Variants in NR2C2 observed in about 807,000 individuals in gnomAD.
NR2C2 encodes Nuclear hormone receptor TR4.
Under a neutral mutation model 62.9 loss-of-function variants are expected in NR2C2, and 6 were observed. The observed-to-expected ratio is 0.10, with a 90% confidence interval of 0.05 to 0.19. The LOEUF (loss-of-function observed/expected upper bound fraction) is 0.19, where lower values mean the gene tolerates loss of function less well. NR2C2 is among the 10% of genes least tolerant of loss of function. NR2C2 has a pLI of 1.00. For missense variants in NR2C2, 479 were observed against 762.7 expected (o/e 0.63, Z 4.38); for synonymous variants, 272 against 273.8 (o/e 0.99, Z 0.07).
At chr3:15,021,905 C>T (rs1266023028) in intron 5 of NR2C2, among the ~76,000 whole-genome samples, 2 of 152,162 alleles carry the variant, frequency 1.3e-5, no homozygotes, top group East Asian at 3.9e-4. Context: ...CTAATTTCTG[C>T]CTGGTGTGAT....
chr3:15,019,233 G>A (rs1227248834), intron 4 of NR2C2, among the ~76,000 whole-genome samples: 2 of 151,226 alleles, frequency 1.3e-5, no homozygotes, highest in Non-Finnish European at 1.5e-5. Flanking sequence ...CAAAAAAAAA[G>A]AAAAGAAAAA....
intron 1 of NR2C2, among the ~76,000 whole-genome samples, chr3:14,956,043 T>C (rs2039514832): frequency 6.6e-6 from 1 of 152,156 alleles, no homozygotes; most frequent in African/African-American, 2.4e-5. Context: ...AGGGTCACAA[T>C]GGAAAGGAAA....
chr3:14,968,915 C>A (rs1431633107), intron 1 of NR2C2, among the ~76,000 whole-genome samples: 1 of 147,440 alleles, frequency 6.8e-6, no homozygotes, highest in Admixed American at 6.9e-5. Context: ...TATTCTCACT[C>A]ATAGGTGGGA....
At chr3:15,037,210 TG>T (rs879776616) in intron 11 of NR2C2, among the ~76,000 whole-genome samples, 13,098 of 81,542 alleles carry the variant, frequency 0.16, 612 homozygotes, top group African/African-American at 0.21. Flanking sequence ...GTTTTTTGTT[TG>T]TGTGTGTGTG....
intron 13 of NR2C2, among the ~76,000 whole-genome samples, chr3:15,040,507 C>A (rs1230122595): frequency 6.6e-6 from 1 of 152,234 alleles, no homozygotes; most frequent in African/African-American, 2.4e-5. Context: ...CCCCTGGGGG[C>A]TACCCCTTCT....
At chr3:14,993,707 C>T (rs1400732207) in intron 1 of NR2C2, among the ~76,000 whole-genome samples, 2 of 152,014 alleles carry the variant, frequency 1.3e-5, no homozygotes, top group African/African-American at 4.8e-5. Flanking sequence ...CAGAGTTAGT[C>T]GTCTTTTCAC....
chr3:14,988,030 T>C (rs1490766415), intron 1 of NR2C2, among the ~76,000 whole-genome samples: 1 of 152,270 alleles, frequency 6.6e-6, no homozygotes, highest in South Asian at 2.1e-4. Flanking sequence ...TTGATCTTTC[T>C]GTATTATAAA....
At chr3:15,038,214 T>C in intron 12 of NR2C2, 77 bp downstream of exon 12, 12 of 1,452,964 alleles carry the variant, frequency 8.3e-6, no homozygotes, top group Non-Finnish European at 1.1e-5. Flanking sequence ...CATGTTGTCA[T>C]CATTGGTGTA....
chr3:14,975,347 G>A (rs1426632736), intron 1 of NR2C2, among the ~76,000 whole-genome samples: 1 of 152,170 alleles, frequency 6.6e-6, no homozygotes, highest in Non-Finnish European at 1.5e-5. Flanking sequence ...GATGAAACAG[G>A]TGGTTTTCAT....
intron 10 of NR2C2, among the ~76,000 whole-genome samples, chr3:15,032,897 C>T (rs775887120): frequency 6.6e-6 from 1 of 152,180 alleles, no homozygotes; most frequent in African/African-American, 2.4e-5. Context: ...GATTTACAAT[C>T]TCACACAAGC....
chr3:15,042,117 A>C (rs2042291151), intron 13 of NR2C2, among the ~76,000 whole-genome samples: 1 of 152,168 alleles, frequency 6.6e-6, no homozygotes, highest in African/African-American at 2.4e-5. Context: ...CACATGCTCC[A>C]CTTGCTCACC....
chr3:14,993,321 G>T (rs2040722546), intron 1 of NR2C2, among the ~76,000 whole-genome samples: 1 of 152,020 alleles, frequency 6.6e-6, no homozygotes, highest in Admixed American at 6.6e-5. Flanking sequence ...GGGCATGGTG[G>T]TGGGTGCCTG....
intron 1 of NR2C2, among the ~76,000 whole-genome samples, chr3:14,978,503 A>C (rs1161107497): frequency 2.0e-5 from 3 of 152,180 alleles, no homozygotes; most frequent in Non-Finnish European, 4.4e-5. Flanking sequence ...TACCATCATA[A>C]AGTAAGTTGA....
chr3:15,025,969 T>C (rs2041812689), intron 7 of NR2C2: 1 of 152,288 alleles, frequency 6.6e-6, no homozygotes, highest in Non-Finnish European at 1.5e-5. Flanking sequence ...GACATAACCT[T>C]GTGTGTACAT....
intron 10 of NR2C2, chr3:15,034,423 AT>A: frequency 2.3e-6 from 1 of 431,642 alleles, no homozygotes; most frequent in Admixed American, 3.9e-5. Context: ...ACCTATTAAC[AT>A]TTTTTTATTA....
At chr3:14,983,496 T>C (rs956178895) in intron 1 of NR2C2, among the ~76,000 whole-genome samples, 16 of 115,116 alleles carry the variant, frequency 1.4e-4, no homozygotes, top group African/African-American at 3.6e-4. Context: ...CACACACACA[T>C]TCTTAGTTTG....
At chr3:14,994,661 T>A (rs1286867857) in intron 1 of NR2C2, among the ~76,000 whole-genome samples, 1 of 151,192 alleles carries the variant, frequency 6.6e-6, no homozygotes, top group Non-Finnish European at 1.5e-5. Flanking sequence ...CAGGATGGTC[T>A]CAATCTGTTG....
chr3:14,973,437 CCGCCCAGGCTGGTCTTGAACTCCTG>C (rs2040108944), intron 1 of NR2C2, among the ~76,000 whole-genome samples: 1 of 152,082 alleles, frequency 6.6e-6, no homozygotes, highest in Non-Finnish European at 1.5e-5. Flanking sequence ...TCTTGCTATG[CCGCCCAGGCTGGTCTTGAACTCCTG>C]GGCTCAAGCA....
At chr3:15,015,814 GT>G (rs937556362) in intron 3 of NR2C2, among the ~76,000 whole-genome samples, 6 of 152,090 alleles carry the variant, frequency 3.9e-5, no homozygotes, top group African/African-American at 1.2e-4. Context: ...TTGCTTGTTT[GT>G]TTTTGAGATG....
Sources: allele counts gnomAD v4.1 joint callset (sites outside exome capture counted in the v4.1 genomes callset), GRCh38; gene constraint gnomAD v4.1.1; transcripts MANE v1.5; gene names NCBI Gene and HGNC (gene_info 2026-07-23, HGNC 2026-07-21).